The following CCNH variants were observed in gnomAD, a reference collection of about 807,000 sequenced individuals.
The protein encoded by CCNH is cyclin-H.
A neutral mutation model predicts 41.9 loss-of-function variants in CCNH; 31 were observed. That is an observed-to-expected ratio of 0.74 (90% CI 0.56 to 1.00). CCNH has a LOEUF of 1.00. CCNH is among the 50% of genes least tolerant of loss of function. The probability of loss-of-function intolerance (pLI) is 0.00; values close to 1 mark genes in which losing one functional copy is unlikely to be tolerated. For synonymous variants in CCNH, 138 were observed against 136.1 expected (o/e 1.01, Z -0.10); for missense variants, 362 against 388.4 (o/e 0.93, Z 0.57).
chr5:87,389,347 A>C, downstream of CCNH: 1 of 1,611,542 alleles, frequency 6.2e-7, no homozygotes, highest in Non-Finnish European at 8.5e-7. Context: ...AAACAAAAAA[A>C]AAGAAGATTT....
rs1764200933 is a variant in CCNH at position 87,411,114 on chromosome 5, AATTGT to A, written c.240+105_240+109del. On this transcript the variant is annotated intron_variant, in intron 2 of 8. Coordinates refer to ENST00000256897, the MANE Select transcript of CCNH (RefSeq NM_001239.4). ...ATATATAATGTGCCAAAAACTAATT[AATTGT>A]AACTAAGGTGAATTTTTAAGACTTG... The A allele has an allele frequency of 1.4e-5, 16 of 1,118,080 alleles. No homozygotes were observed. The Middle Eastern group carries it at 6.3e-4, about 44-fold the overall frequency. The allele number at this position is 1,118,080 out of a possible 1,614,324, so 69.3% of individuals were successfully genotyped here.
chr5:87,346,756 C>CT (rs1758893372), intron 9 of CCNH: 1 of 1,445,856 alleles, frequency 6.9e-7, no homozygotes, highest in Non-Finnish European at 9.7e-7. Flanking sequence ...TTTCTAATGT[C>CT]TATTTAAAGA....
intron 9 of CCNH, among the ~76,000 whole-genome samples, chr5:87,326,940 A>G (rs1757273384): frequency 6.6e-6 from 1 of 152,202 alleles, no homozygotes; most frequent in Non-Finnish European, 1.5e-5. Flanking sequence ...GAAAATAGGT[A>G]ATTGAGACTA....
rs759871711 is a variant in CCNH at position 87,404,814 on chromosome 5, T to C, written c.689+30A>G. The C allele has an allele frequency of 3.0e-5, 46 of 1,541,394 alleles. No homozygotes were observed. In the African/African-American group the frequency reaches 4.2e-4, roughly 14 times the overall value. On this transcript the variant is annotated intron_variant, in intron 5 of 8. Coordinates refer to ENST00000256897, the MANE Select transcript of CCNH (RefSeq NM_001239.4). ...TGAATAAATAAACCCAGTGACTGAA[T>C]TTGACCTAAGTTAAAAAACTAATTA... is the stretch of plus-strand genomic sequence containing the variant.
At position 87,412,850 on chromosome 5, in the gene CCNH, C is replaced by T; in HGVS notation, c.-56G>A. On this transcript the variant is annotated 5_prime_UTR_variant, in exon 1 of 9. Coordinates refer to ENST00000256897, the MANE Select transcript of CCNH (RefSeq NM_001239.4). ...GCAGACGAGAACCCAAACGCATCAG[C>T]GTCCTGGCGTAAAACACCCGTACCC... 6 of 1,589,082 alleles carry T rather than the reference C, an allele frequency of 3.8e-6. No individual in the cohort carries two copies. In the South Asian group the frequency reaches 5.5e-5, roughly 15 times the overall value.
At chr5:87,410,764 C>A (rs886358005) in intron 2 of CCNH, among the ~76,000 whole-genome samples, 9 of 152,052 alleles carry the variant, frequency 5.9e-5, no homozygotes, top group African/African-American at 1.9e-4. Context: ...ATCTTTTTCA[C>A]CAAAGATAAA....
chr5:87,376,252 T>C, downstream of CCNH: 1 of 931,292 alleles, frequency 1.1e-6, no homozygotes, highest in Non-Finnish European at 1.6e-6. Flanking sequence ...AACTAAATAT[T>C]GAATTTGTGA....
chr5:87,405,968 C>G (rs1266772565), intron 4 of CCNH, among the ~76,000 whole-genome samples: 2 of 152,104 alleles, frequency 1.3e-5, no homozygotes, highest in African/African-American at 4.8e-5. Flanking sequence ...CTCAGCAAGG[C>G]TCTTAAACAC....
intron 9 of CCNH, among the ~76,000 whole-genome samples, chr5:87,350,321 AG>A (rs1759170393): frequency 6.6e-6 from 1 of 151,834 alleles, no homozygotes; most frequent in African/African-American, 2.4e-5. Flanking sequence ...TCTGAGTTCT[AG>A]ATGTCCTCAC....
intron 6 of CCNH, among the ~76,000 whole-genome samples, chr5:87,401,068 T>C (rs1309436068): frequency 6.6e-6 from 1 of 152,218 alleles, no homozygotes; most frequent in Non-Finnish European, 1.5e-5. Context: ...CGGAAGTGTA[T>C]TCTCTCATAG....
At chr5:87,377,678 A>G (rs1180647178), upstream of CCNH, among the ~76,000 whole-genome samples, 1 of 151,974 alleles carries the variant, frequency 6.6e-6, no homozygotes. Context: ...TTTTATTTCT[A>G]ACTTTTATAG....
chr5:87,320,285 A>T (rs1007520984), intron 9 of CCNH, among the ~76,000 whole-genome samples: 1 of 152,124 alleles, frequency 6.6e-6, no homozygotes, highest in African/African-American at 2.4e-5. Context: ...TCTGCCTATT[A>T]CCCAGTTCCA....
intron 9 of CCNH, among the ~76,000 whole-genome samples, chr5:87,322,333 C>T (rs1756885809): frequency 6.6e-6 from 1 of 152,276 alleles, no homozygotes; most frequent in Admixed American, 6.5e-5. Context: ...CACAGGAGCG[C>T]AAACCCTATT....
downstream of CCNH, chr5:87,374,273 T>C (rs769536642): frequency 2.5e-6 from 4 of 1,605,350 alleles, no homozygotes; most frequent in Non-Finnish European, 3.4e-6. Context: ...CAAAAACTCA[T>C]GCAAGGGAAG....
At chr5:87,329,154 T>TA (rs1757436348) in intron 9 of CCNH, among the ~76,000 whole-genome samples, 1 of 150,594 alleles carries the variant, frequency 6.6e-6, no homozygotes, top group Non-Finnish European at 1.5e-5. Context: ...TACATAGATG[T>TA]AAAAAATCGA....
chr5:87,330,832 C>A, intron 9 of CCNH: 1 of 591,870 alleles, frequency 1.7e-6, no homozygotes, highest in Non-Finnish European at 2.6e-6. Flanking sequence ...ATCAGCTTCA[C>A]GTTCAAACAG....
At chr5:87,341,706 A>G (rs1412013135) in intron 9 of CCNH, among the ~76,000 whole-genome samples, 2 of 151,330 alleles carry the variant, frequency 1.3e-5, no homozygotes, top group Non-Finnish European at 3.0e-5. Context: ...CACAATTTTA[A>G]TAAGATTCAG....
At chr5:87,336,533 A>T (rs1331253486) in intron 9 of CCNH, among the ~76,000 whole-genome samples, 1 of 151,992 alleles carries the variant, frequency 6.6e-6, no homozygotes, top group African/African-American at 2.4e-5. Context: ...AGCCTGTTTT[A>T]GGGGGGATAA....
upstream of CCNH, chr5:87,380,746 A>C: frequency 1.3e-6 from 1 of 753,018 alleles, no homozygotes; most frequent in East Asian, 2.7e-5. Context: ...ATGGCTCCTA[A>C]ACTGAAAGTT....
Sources: gnomAD v4.1 joint callset for allele counts (sites outside exome capture counted in the v4.1 genomes callset) on GRCh38, gnomAD v4.1.1 for gene constraint, MANE v1.5 for transcripts, NCBI Gene and HGNC (gene_info 2026-07-23, HGNC 2026-07-21) for gene names.